The following RIPK1 variants were observed in gnomAD, a reference collection of about 807,000 sequenced individuals.
RIPK1 encodes the protein receptor-interacting serine/threonine-protein kinase 1.
RIPK1 carries 27 observed loss-of-function variants against 62.4 expected under a neutral mutation model. The ratio of observed to expected loss-of-function variants is 0.43; its 90% CI spans 0.32 to 0.60. The LOEUF (loss-of-function observed/expected upper bound fraction) is 0.60, where lower values mean the gene tolerates loss of function less well. Ranked by LOEUF, RIPK1 falls within the 20% of genes least tolerant of loss-of-function variation. The probability of loss-of-function intolerance (pLI) is 0.07; values close to 1 mark genes in which losing one functional copy is unlikely to be tolerated. For synonymous variants in RIPK1, 287 were observed against 303.2 expected (o/e 0.95, Z 0.55); for missense variants, 735 against 831.0 (o/e 0.88, Z 1.42).
At chr6:3,098,393 A>G (rs1379551213) in intron 7 of RIPK1, among the ~76,000 whole-genome samples, 1 of 152,256 alleles carries the variant, frequency 6.6e-6, no homozygotes, top group Non-Finnish European at 1.5e-5. Context: ...ACTGGTAATT[A>G]GAGAAATGCA....
At chr6:3,065,402 G>A (rs1263384383), upstream of RIPK1, among the ~76,000 whole-genome samples, 1 of 151,896 alleles carries the variant, frequency 6.6e-6, no homozygotes, top group Non-Finnish European at 1.5e-5. Flanking sequence ...GGGGAGCACA[G>A]ATGAGGTGTC....
At chr6:3,084,280 C>T (rs1204104079) in intron 5 of RIPK1, among the ~76,000 whole-genome samples, 1 of 152,196 alleles carries the variant, frequency 6.6e-6, no homozygotes, top group East Asian at 1.9e-4. Flanking sequence ...TTCCCAGATG[C>T]TCTGTGGTCT....
intron 5 of RIPK1, among the ~76,000 whole-genome samples, chr6:3,084,682 C>T (rs1324751880): frequency 1.3e-5 from 2 of 151,780 alleles, no homozygotes; most frequent in African/African-American, 4.9e-5. Context: ...CAGCCTCCAC[C>T]TCCCAGGTTC....
chr6:3,067,228 G>A (rs139173952), upstream of RIPK1, among the ~76,000 whole-genome samples: 750 of 152,082 alleles, frequency 4.9e-3, 6 homozygotes, highest in African/African-American at 0.017. Flanking sequence ...ACAGGTGTTT[G>A]TATGGGCATA....
Position 3,085,334 on chromosome 6 carries a change from A to T in RIPK1, c.764A>T (p.Tyr255Phe), listed in dbSNP as rs567232503. ...CCAGATGTGGATGACATCACTGAGT[A>T]CTGCCCAAGAGAAATTATCAGTCTC... ...NRPDVDDITE[Y>F]CPREIISLMK... Residue 255 changes from tyrosine (Y) to phenylalanine (F), a missense_variant, in exon 6 of 11, where the codon TAC (tyrosine) becomes TTC (phenylalanine). Physicochemically the swap from Tyr to Phe is conservative, Grantham distance 22. Transcript: ENST00000259808. 6 of 1,614,240 alleles carry T rather than the reference A, an allele frequency of 3.7e-6. No individual in the cohort carries two copies. In the African/African-American group the frequency reaches 6.7e-5, roughly 18 times the overall value.
At chr6:3,067,086 G>A (rs1758414467), upstream of RIPK1, among the ~76,000 whole-genome samples, 1 of 72,942 alleles carries the variant, frequency 1.4e-5, no homozygotes, top group Non-Finnish European at 2.8e-5. Context: ...TGGCTTCAGA[G>A]CTCATTTCTT....
intron 1 of RIPK1, among the ~76,000 whole-genome samples, chr6:3,070,418 A>G (rs1436195314): frequency 1.3e-5 from 2 of 152,124 alleles, no homozygotes; most frequent in Non-Finnish European, 2.9e-5. Context: ...TTTGAACCAT[A>G]TATTTCAAAA....
At chr6:3,087,018 G>C (rs1279319009) in intron 6 of RIPK1, among the ~76,000 whole-genome samples, 1 of 152,156 alleles carries the variant, frequency 6.6e-6, no homozygotes, top group Non-Finnish European at 1.5e-5. Flanking sequence ...GATTCTCCAA[G>C]GTGTCTTCTT....
At chr6:3,069,047 C>T (rs377483586) in intron 1 of RIPK1, among the ~76,000 whole-genome samples, 1 of 152,192 alleles carries the variant, frequency 6.6e-6, no homozygotes, top group East Asian at 1.9e-4. Context: ...AGTCCGCTGG[C>T]CGCCTCTGTG....
chr6:3,105,734 T>A lies in RIPK1; in HGVS notation c.1259T>A (p.Phe420Tyr), dbSNP rs1276022241. 6.2e-7 allele frequency: 1 copy of A among 1,614,080 alleles called. No individual in the cohort carries two copies. Among genetic ancestry groups the A allele is most frequent in the African/African-American group, 1.3e-5 (1 of 74,940 alleles). ...AGACGCAGGGTCTCCCATGACCCTT[T>A]TGCACAGCAAAGACCTTACGAGAAT... Reference protein sequence around the residue: ...ERRRRVSHDPFAQQRPYENFQ... With the variant: ...ERRRRVSHDPYAQQRPYENFQ... The change falls in exon 9 of 11, where the codon TTT (phenylalanine) becomes TAT (tyrosine). Residue 420 changes from phenylalanine (F) to tyrosine (Y), a missense_variant. Coordinates refer to ENST00000259808, the MANE Select transcript of RIPK1 (RefSeq NM_001354930.2). This position sits in a 1 kb window ranked among gnomAD's most constrained non-coding sequence, Gnocchi z 4.5.
chr6:3,087,628 C>T (rs755485531), intron 6 of RIPK1, among the ~76,000 whole-genome samples: 2 of 151,716 alleles, frequency 1.3e-5, no homozygotes, highest in Non-Finnish European at 2.9e-5. Flanking sequence ...CAAGCTCTGC[C>T]TCCTGGGTTC....
At chr6:3,087,741 G>C (rs537561215) in intron 6 of RIPK1, among the ~76,000 whole-genome samples, 2 of 151,766 alleles carry the variant, frequency 1.3e-5, no homozygotes, top group South Asian at 4.1e-4. Context: ...GGGTTTCACC[G>C]TGTTAGCCAG....
intron 7 of RIPK1, among the ~76,000 whole-genome samples, chr6:3,090,133 T>A (rs139641724): frequency 6.6e-6 from 1 of 152,188 alleles, no homozygotes; most frequent in Non-Finnish European, 1.5e-5. Flanking sequence ...TCATTTATGC[T>A]ATTTAGGAAA....
At chr6:3,098,203 G>A (rs566181329) in intron 7 of RIPK1, among the ~76,000 whole-genome samples, 1 of 151,152 alleles carries the variant, frequency 6.6e-6, no homozygotes, top group South Asian at 2.1e-4. Context: ...AAATAAACCA[G>A]TCACAGAATG....
chr6:3,112,631 A>G (rs2113724381), intron 10 of RIPK1, among the ~76,000 whole-genome samples: 1 of 152,328 alleles, frequency 6.6e-6, no homozygotes, highest in African/African-American at 2.4e-5. Context: ...CCTGAGTTCA[A>G]GTGATCCTCC....
At chr6:3,100,449 G>A (rs1478346876) in intron 7 of RIPK1, among the ~76,000 whole-genome samples, 1 of 152,028 alleles carries the variant, frequency 6.6e-6, no homozygotes, top group African/African-American at 2.4e-5. Context: ...TCTGGAATGT[G>A]TGTGCAAATT....
chr6:3,077,827 A>G lies in RIPK1; in HGVS notation c.213A>G (p.Arg71=). ...AGGCGAAGATGATGAACAGACTGAG[A>G]CACAGCCGGGTGGTGAAGCTCCTGG... is the stretch of plus-strand genomic sequence containing the variant. ...LEEAKMMNRL[R]HSRVVKLLGV... is the part of the protein sequence containing the mutation. Residue 71 remains arginine, a synonymous_variant, in exon 3 of 11, where the codon AGA becomes AGG. Coordinates refer to ENST00000259808, the MANE Select transcript of RIPK1 (RefSeq NM_001354930.2). 1 of 1,614,222 alleles carries G rather than the reference A, an allele frequency of 6.2e-7. No homozygotes were observed. Among genetic ancestry groups the G allele is most frequent in the Admixed American group, 1.7e-5 (1 of 60,030 alleles).
At chr6:3,088,195 T>C (rs1759828159) in intron 6 of RIPK1, among the ~76,000 whole-genome samples, 2 of 152,084 alleles carry the variant, frequency 1.3e-5, no homozygotes, top group Admixed American at 6.5e-5. Flanking sequence ...AAGGGAAGAG[T>C]GGTGGCCACC....
chr6:3,112,441 C>A (rs1439203761), intron 10 of RIPK1, among the ~76,000 whole-genome samples: 1 of 152,216 alleles, frequency 6.6e-6, no homozygotes, highest in Non-Finnish European at 1.5e-5. Context: ...GACTAGAACA[C>A]CCAACCTCGT....
Sources: gnomAD v4.1 joint callset for allele counts (sites outside exome capture counted in the v4.1 genomes callset) on GRCh38, gnomAD v4.1.1 for gene constraint, Gnocchi (gnomAD v3.1) non-coding constraint, MANE v1.5 for transcripts, NCBI Gene and HGNC (gene_info 2026-07-23, HGNC 2026-07-21) for gene names.